PXDNL: variants seen among roughly 807,000 people sequenced by gnomAD.
PXDNL encodes the protein peroxidasin like.
Under a neutral mutation model 150.8 loss-of-function variants are expected in PXDNL, and 145 were observed. That is an observed-to-expected ratio of 0.96 (90% CI 0.84 to 1.10). The LOEUF is 1.10. Ranked by LOEUF, PXDNL falls within the 50% of genes least tolerant of loss-of-function variation. The pLI is 0.00. For synonymous variants in PXDNL, 757 were observed against 725.7 expected (o/e 1.04, Z -0.69); for missense variants, 2,087 against 1,873.9 (o/e 1.11, Z -2.10).
intron 1 of PXDNL, among the ~76,000 whole-genome samples, chr8:51,747,370 TTGC>T (rs2036997105): frequency 6.6e-6 from 1 of 152,236 alleles, no homozygotes; most frequent in Non-Finnish European, 1.5e-5. Flanking sequence ...GTGAACTCAG[TTGC>T]TCTCCAGTAT....
intron 11 of PXDNL, among the ~76,000 whole-genome samples, chr8:51,448,181 A>T (rs1809721434): frequency 1.3e-5 from 2 of 152,228 alleles, no homozygotes; most frequent in Non-Finnish European, 2.9e-5. Flanking sequence ...ACAAGCTCTC[A>T]TCCAGCCAAT....
intron 17 of PXDNL, among the ~76,000 whole-genome samples, chr8:51,382,448 T>A (rs1399350810): frequency 6.6e-6 from 1 of 152,202 alleles, no homozygotes; most frequent in Non-Finnish European, 1.5e-5. Context: ...AATTATGACC[T>A]TCCATTGACT....
chr8:51,732,344 C>T (rs183825782), intron 1 of PXDNL, among the ~76,000 whole-genome samples: 27 of 152,318 alleles, frequency 1.8e-4, no homozygotes, highest in Middle Eastern at 3.4e-3. Flanking sequence ...CAGTTCCCAA[C>T]AAGTTCCTCA....
intron 19 of PXDNL, among the ~76,000 whole-genome samples, chr8:51,359,822 C>T (rs1835688): frequency 0.68 from 103,084 of 151,720 alleles, 36,791 homozygotes; most frequent in East Asian, 0.94. Flanking sequence ...ACCTATCGCA[C>T]CTATCCATCC....
chr8:51,451,419 A>G (rs2129956668), intron 10 of PXDNL, among the ~76,000 whole-genome samples: 1 of 152,340 alleles, frequency 6.6e-6, no homozygotes, highest in Non-Finnish European at 1.5e-5. Flanking sequence ...GATGAAGCTG[A>G]CATCTTTGGG....
chr8:51,804,716 A>G (rs1481388328), intron 1 of PXDNL, among the ~76,000 whole-genome samples: 6 of 152,142 alleles, frequency 3.9e-5, no homozygotes, highest in Non-Finnish European at 8.8e-5. Context: ...TAGGGTTGAA[A>G]GGCAGCACTT....
chr8:51,716,259 C>T (rs1816614190), intron 1 of PXDNL, among the ~76,000 whole-genome samples: 1 of 152,218 alleles, frequency 6.6e-6, no homozygotes. Flanking sequence ...AATACCCTTT[C>T]GGTAGATATT....
At chr8:51,716,798 A>G (rs1408943846) in intron 1 of PXDNL, among the ~76,000 whole-genome samples, 1 of 152,234 alleles carries the variant, frequency 6.6e-6, no homozygotes, top group Non-Finnish European at 1.5e-5. Context: ...TGTAATTGTC[A>G]GGAAGAGCAG....
At chr8:51,487,733 G>GA (rs1810797888) in intron 5 of PXDNL, among the ~76,000 whole-genome samples, 1 of 152,192 alleles carries the variant, frequency 6.6e-6, no homozygotes, top group Admixed American at 6.5e-5. Flanking sequence ...TTGGTAAAGT[G>GA]AAGATTTTCA....
Position 51,408,356 on chromosome 8 carries a change from T to C in PXDNL, c.3268A>G (p.Arg1090Gly), listed in dbSNP as rs765104947. ...TCTATCCCACCTTCCTTGATTATTC[T>C]GGACGGTGAAAAGAGCGCTTTATGG... Reference protein sequence around the residue: ...PFHKALFSPSRIIKEGGIDPV... With the variant: ...PFHKALFSPSGIIKEGGIDPV... The change falls in exon 17 of 23, where the codon AGA (arginine) becomes GGA (glycine). Residue 1090 changes from arginine to glycine, a missense_variant. Arg to Gly is a moderately radical substitution (Grantham distance 125). Transcript: ENST00000356297. The C allele has an allele frequency of 2.5e-6, 4 of 1,614,026 alleles. No individual in the cohort carries two copies. In the Admixed American group the frequency reaches 6.7e-5, roughly 27 times the overall value.
intron 6 of PXDNL, among the ~76,000 whole-genome samples, chr8:51,480,066 A>G (rs1026900563): frequency 2.0e-4 from 30 of 152,172 alleles, no homozygotes; most frequent in Non-Finnish European, 7.3e-5. Flanking sequence ...CTCAAAGATT[A>G]CAAGCATTAT....
At chr8:51,364,959 G>A (rs1222076096) in intron 19 of PXDNL, among the ~76,000 whole-genome samples, 2 of 151,864 alleles carry the variant, frequency 1.3e-5, no homozygotes, top group Non-Finnish European at 2.9e-5. Context: ...TTTTATTTTA[G>A]AGATGAAGTC....
intron 4 of PXDNL, among the ~76,000 whole-genome samples, chr8:51,524,118 G>A (rs1310123176): frequency 7.1e-6 from 1 of 140,190 alleles, no homozygotes; most frequent in Non-Finnish European, 1.5e-5. Context: ...GGTTCCTCAT[G>A]GCACCCAAGG....
chr8:51,786,240 C>T (rs745909631), intron 1 of PXDNL, among the ~76,000 whole-genome samples: 2 of 151,804 alleles, frequency 1.3e-5, no homozygotes, highest in Non-Finnish European at 2.9e-5. Flanking sequence ...TGGAGTTTCA[C>T]TCTTGTTGCC....
intron 2 of PXDNL, among the ~76,000 whole-genome samples, chr8:51,623,665 A>C (rs1814304476): frequency 6.6e-6 from 1 of 152,216 alleles, no homozygotes; most frequent in Non-Finnish European, 1.5e-5. Context: ...TGCTCTCGGC[A>C]GGACCGAGTG....
rs529784693 is a variant in PXDNL at position 51,798,887 on chromosome 8, C to A, written c.164+10294G>T. Among the ~76,000 whole-genome samples, 18 of 152,312 alleles carry A rather than the reference C, an allele frequency of 1.2e-4. No individual in the cohort carries two copies. The South Asian group carries it at 3.3e-3, about 28-fold the overall frequency. On this transcript the variant is annotated intron_variant, in intron 1 of 22. Transcript: ENST00000356297. The stretch of plus-strand genomic sequence containing the variant: ...GAATCAGAAATACCATTTGACCCAG[C>A]AATCCCATTACTGGGTATATGCCCA...
intron 2 of PXDNL, among the ~76,000 whole-genome samples, chr8:51,639,304 G>A (rs1814685757): frequency 3.3e-5 from 5 of 152,174 alleles, no homozygotes; most frequent in South Asian, 2.1e-4. Context: ...AGAAAAGCAC[G>A]AGCAAACACA....
At chr8:51,396,333 G>A (rs1808080933) in intron 17 of PXDNL, among the ~76,000 whole-genome samples, 1 of 152,212 alleles carries the variant, frequency 6.6e-6, no homozygotes, top group Non-Finnish European at 1.5e-5. Context: ...GTGCAGCACA[G>A]GGACGTGGGA....
chr8:51,580,964 ATT>A (rs1813198072), intron 3 of PXDNL, among the ~76,000 whole-genome samples: 1 of 152,076 alleles, frequency 6.6e-6, no homozygotes, highest in African/African-American at 2.4e-5. Context: ...TGCTGAGTCT[ATT>A]TCTCCCTCTC....
Sources: allele counts gnomAD v4.1 joint callset (sites outside exome capture counted in the v4.1 genomes callset), GRCh38; gene constraint gnomAD v4.1.1; transcripts MANE v1.5; gene names NCBI Gene and HGNC (gene_info 2026-07-23, HGNC 2026-07-21).